SLC4A10: variants seen among roughly 807,000 people sequenced by gnomAD.
SLC4A10 encodes the protein sodium-driven chloride bicarbonate exchanger.
Under a neutral mutation model 137.7 loss-of-function variants are expected in SLC4A10, and 42 were observed. The observed-to-expected ratio is 0.30, with a 90% confidence interval of 0.24 to 0.39. The LOEUF (loss-of-function observed/expected upper bound fraction) is 0.39, where lower values mean the gene tolerates loss of function less well. Ranked by LOEUF, SLC4A10 falls within the 10% of genes least tolerant of loss-of-function variation. The pLI is 1.00. For synonymous variants in SLC4A10, 474 were observed against 464.1 expected (o/e 1.02, Z -0.27); for missense variants, 925 against 1,355.0 (o/e 0.68, Z 4.98).
intron 1 of SLC4A10, among the ~76,000 whole-genome samples, chr2:161,675,407 C>T (rs977932286): frequency 6.6e-6 from 1 of 152,268 alleles, no homozygotes; most frequent in Non-Finnish European, 1.5e-5. Context: ...AGGTTTCCTA[C>T]GATCCATGTC....
In SLC4A10 at chr2:161,905,390, A is replaced by G. The variant is rs564923786; in HGVS notation, c.1752-252A>G. On this transcript the variant is annotated intron_variant, in intron 14 of 26. Transcript: ENST00000446997. ...AGAATCTAACGTCCCCACTGATCTG[A>G]CAAGAGTCTGAGCTCAGGCGGTAAT... Among the ~76,000 whole-genome samples the G allele has an allele frequency of 4.6e-5, 7 of 152,252 alleles. No homozygotes were observed. In the East Asian group the frequency reaches 9.7e-4, roughly 21 times the overall value.
At chr2:161,763,693 A>T (rs759159117) in intron 1 of SLC4A10, among the ~76,000 whole-genome samples, 2 of 152,170 alleles carry the variant, frequency 1.3e-5, no homozygotes, top group African/African-American at 2.4e-5. Context: ...CTCTTCTCCC[A>T]GGGTCCAACC....
chr2:161,954,443 G>C (rs1695308262), intron 19 of SLC4A10, among the ~76,000 whole-genome samples: 1 of 152,124 alleles, frequency 6.6e-6, no homozygotes, highest in African/African-American at 2.4e-5. Context: ...ATGAATGTGA[G>C]AATAAAAGCT....
At position 161,720,503 on chromosome 2, in the gene SLC4A10, G is replaced by A. The variant is rs531242059; in HGVS notation, c.49-50470G>A. On this transcript the variant is annotated intron_variant, in intron 1 of 26. Transcript: ENST00000446997. ...ACCTTGTATCTCCCACTGTTATTGT[G>A]TGGGAGTCTAAGTCTCTTCATAGGT... is the stretch of plus-strand genomic sequence containing the variant. Among the ~76,000 whole-genome samples the A allele has an allele frequency of 4.6e-5, 7 of 152,240 alleles. No individual in the cohort carries two copies. In the South Asian group the frequency reaches 1.5e-3, roughly 32 times the overall value.
rs191663859 is a variant in SLC4A10 at position 161,882,782 on chromosome 2, G to A, written c.1194+338G>A. 2.8e-4 allele frequency among the ~76,000 whole-genome samples: 43 copies of A among 152,006 alleles called. No individual in the cohort carries two copies. The East Asian group carries it at 5.2e-3, about 18-fold the overall frequency. ...AATCTTGTTTTGAGTAAAGAATTTCGAAGTCTAAAGAAAAAACAATAGCAG... is the reference window on the plus strand; with the variant it reads ...AATCTTGTTTTGAGTAAAGAATTTCAAAGTCTAAAGAAAAAACAATAGCAG... On this transcript the variant is annotated intron_variant, in intron 10 of 26. Coordinates refer to ENST00000446997, the MANE Select transcript of SLC4A10 (RefSeq NM_001178015.2).
chr2:161,919,576 C>T lies in SLC4A10; in HGVS notation c.1997+13689C>T, dbSNP rs551957779. ...TCTCTTCTTAGCTGAGAGCTGCACA[C>T]TTGATGGGATGACTTGCCTGTGGGT... On this transcript the variant is annotated intron_variant, in intron 15 of 26. Coordinates refer to ENST00000446997, the MANE Select transcript of SLC4A10 (RefSeq NM_001178015.2). Among the ~76,000 whole-genome samples the T allele has an allele frequency of 1.2e-4, 18 of 152,258 alleles. No homozygotes were observed. In the South Asian group the frequency reaches 3.7e-3, roughly 32 times the overall value.
At chr2:161,636,666 C>T (rs563037746) in intron 1 of SLC4A10, among the ~76,000 whole-genome samples, 9 of 151,760 alleles carry the variant, frequency 5.9e-5, no homozygotes, top group Non-Finnish European at 1.0e-4. Context: ...TCCCAAAGTG[C>T]TGGAATTACA....
intron 4 of SLC4A10, among the ~76,000 whole-genome samples, chr2:161,843,210 G>T (rs894231560): frequency 6.6e-6 from 1 of 152,020 alleles, no homozygotes; most frequent in African/African-American, 2.4e-5. Flanking sequence ...CTTGTAACTT[G>T]CCCACTCTCA....
chr2:161,831,678 A>G (rs2058443157), intron 3 of SLC4A10, among the ~76,000 whole-genome samples: 1 of 152,194 alleles, frequency 6.6e-6, no homozygotes, highest in African/African-American at 2.4e-5. Flanking sequence ...ATAATGAAAA[A>G]GGAAATAATG....
At chr2:161,845,281 T>G (rs1178383296) in intron 4 of SLC4A10, among the ~76,000 whole-genome samples, 1 of 152,166 alleles carries the variant, frequency 6.6e-6, no homozygotes, top group East Asian at 1.9e-4. Flanking sequence ...ACAATATTCA[T>G]TTAAATATCT....
At chr2:161,851,037 A>G (rs984847733) in intron 4 of SLC4A10, among the ~76,000 whole-genome samples, 3 of 152,020 alleles carry the variant, frequency 2.0e-5, no homozygotes, top group African/African-American at 7.2e-5. Flanking sequence ...TCTTCTTGAT[A>G]TTGATTTATA....
In SLC4A10 at chr2:161,984,195, A is replaced by T. The variant is rs916732621; in HGVS notation, c.*1043A>T. On this transcript the variant is annotated 3_prime_UTR_variant, in exon 27 of 27. Coordinates refer to ENST00000446997, the MANE Select transcript of SLC4A10 (RefSeq NM_001178015.2). ...TCCAATTGTCATTTTTTTTCTGCAGAGTTTTTTTTTTCCACTTTTAAATTA... is the reference window on the plus strand; with the variant it reads ...TCCAATTGTCATTTTTTTTCTGCAGTGTTTTTTTTTTCCACTTTTAAATTA... 1.1e-4 allele frequency: 16 copies of T among 151,898 alleles called. No individual in the cohort carries two copies. The highest frequency in any genetic ancestry group is 2.2e-4 in the Non-Finnish European group (15 of 67,938). The allele number at this position is 151,898 out of a possible 1,614,324, so 9.4% of individuals were successfully genotyped here.
chr2:161,828,797 TA>T (rs1257613901), intron 3 of SLC4A10, among the ~76,000 whole-genome samples: 35 of 124,872 alleles, frequency 2.8e-4, no homozygotes, highest in African/African-American at 9.6e-4. Flanking sequence ...TATATATATA[TA>T]TATATATATA....
chr2:161,688,902 T>G (rs1391373061), intron 1 of SLC4A10, among the ~76,000 whole-genome samples: 1 of 152,186 alleles, frequency 6.6e-6, no homozygotes, highest in African/African-American at 2.4e-5. Flanking sequence ...TTCCTGTTAC[T>G]TAATGGTGTC....
intron 1 of SLC4A10, among the ~76,000 whole-genome samples, chr2:161,626,745 A>G (rs2032459653): frequency 6.6e-6 from 1 of 152,196 alleles, no homozygotes; most frequent in Non-Finnish European, 1.5e-5. Flanking sequence ...TCACCCAGTG[A>G]TGAAACCAGG....
At chr2:161,769,116 A>AT (rs779859886) in intron 1 of SLC4A10, among the ~76,000 whole-genome samples, 1 of 151,814 alleles carries the variant, frequency 6.6e-6, no homozygotes, top group African/African-American at 2.4e-5. Flanking sequence ...AGTATAGCCC[A>AT]TTTTTTTGGT....
chr2:161,667,078 C>T (rs1221419147), intron 1 of SLC4A10, among the ~76,000 whole-genome samples: 5 of 151,524 alleles, frequency 3.3e-5, no homozygotes, highest in South Asian at 2.1e-4. Context: ...TAAATGTAGA[C>T]GTGTAGTTGG....
At chr2:161,926,745 G>A (rs1689215553) in intron 15 of SLC4A10, among the ~76,000 whole-genome samples, 2 of 148,286 alleles carry the variant, frequency 1.3e-5, no homozygotes, top group Non-Finnish European at 3.0e-5. Context: ...CTCTTTTAGG[G>A]CAGGCCTGGT....
intron 9 of SLC4A10, among the ~76,000 whole-genome samples, chr2:161,881,192 A>G (rs528937579): frequency 6.6e-6 from 1 of 152,170 alleles, no homozygotes; most frequent in African/African-American, 2.4e-5. Flanking sequence ...CGATGGCAAC[A>G]CATAGTAGAA....
Sources: allele counts gnomAD v4.1 joint callset (sites outside exome capture counted in the v4.1 genomes callset), GRCh38; gene constraint gnomAD v4.1.1; transcripts MANE v1.5; gene names NCBI Gene and HGNC (gene_info 2026-07-23, HGNC 2026-07-21).